The following OFD1 variants were observed in gnomAD, a reference collection of about 807,000 sequenced individuals.
OFD1 encodes OFD1 centriole and centriolar satellite protein, also known as centriole and centriolar satellite protein OFD1.
A neutral mutation model predicts 81.4 loss-of-function variants in OFD1; 12 were observed. The ratio of observed to expected loss-of-function variants is 0.15; its 90% CI spans 0.09 to 0.24. OFD1 has a LOEUF of 0.24. Among genes scored for constraint, OFD1 ranks in the 10% least tolerant of loss-of-function variants. OFD1 has a pLI of 1.00. For synonymous variants in OFD1, 256 were observed against 263.7 expected (o/e 0.97, Z 0.28); for missense variants, 685 against 733.9 (o/e 0.93, Z 0.77).
At chrX:13,729,861 T>C (rs1222439114), upstream of OFD1, among the ~76,000 whole-genome samples, 1 of 111,570 alleles carries the variant, frequency 9.0e-6, no homozygotes. Context: ...TGAGTCAAGA[T>C]TGCACCATTG....
Position 13,768,749 on chromosome X carries a change from T to G in OFD1, c.2960T>G (p.Leu987Arg). ...SSKKMVQEGSLVDTLQSSDKV... is the reference protein window; with the variant it reads ...SSKKMVQEGSRVDTLQSSDKV... Reference sequence around the variant, plus strand: ...AAAAAGATGGTCCAAGAAGGCTCCCTAGTGGACACGCTGCAATCTAGTGAC... The same window carrying G: ...AAAAAGATGGTCCAAGAAGGCTCCCGAGTGGACACGCTGCAATCTAGTGAC... Residue 987 changes from leucine (L) to arginine (R), a missense_variant, in exon 22 of 23, where the codon CTA (leucine) becomes CGA (arginine). This residue lies in a region of OFD1 where 259 missense variants were observed against 254.4 expected (regional missense o/e 1.02). Transcript: ENST00000340096. The G allele has an allele frequency of 8.3e-7, 1 of 1,210,745 alleles. No individual in the cohort carries two copies. Among genetic ancestry groups the G allele is most frequent in the Non-Finnish European group, 1.1e-6 (1 of 894,381 alleles).
chrX:13,734,693 C>G, upstream of OFD1: 3 of 963,665 alleles, frequency 3.1e-6, no homozygotes, highest in Non-Finnish European at 3.9e-6. Context: ...AGCTCATGCG[C>G]CGTAGCTCTT....
At chrX:13,767,045 G>T in intron 19 of OFD1, 82 bp from the exon 20 acceptor site, 1 of 1,009,977 alleles carries the variant, frequency 9.9e-7, no homozygotes, top group Non-Finnish European at 1.4e-6. Flanking sequence ...CGTGGGTCTT[G>T]GCAAGGGCTC....
chrX:13,772,957 T>C, downstream of OFD1: 1 of 1,209,236 alleles, frequency 8.3e-7, no homozygotes, highest in Non-Finnish European at 1.1e-6. Flanking sequence ...TGCTTTGATA[T>C]CCTGGTAAGC....
At chrX:13,752,685 T>C in intron 10 of OFD1, 1 of 969,944 alleles carries the variant, frequency 1.0e-6, no homozygotes, top group Non-Finnish European at 1.3e-6. Context: ...TAGTGAACTA[T>C]TTGGTGTCAT....
chrX:13,736,806 A>T, intron 3 of OFD1, 128 bp downstream of exon 3: 1 of 500,336 alleles, frequency 2.0e-6, no homozygotes, highest in East Asian at 3.6e-5. Flanking sequence ...TTGAATTCAC[A>T]TTGTACCTGC....
At chrX:13,728,952 C>T in the OFD1 span, among the ~76,000 whole-genome samples, 5 of 111,521 alleles carry the variant, frequency 4.5e-5, no homozygotes, top group East Asian at 1.4e-3. Context: ...TCCTATACAC[C>T]AATAATAGAC....
intron 5 of OFD1, chrX:13,740,278 G>A: frequency 1.6e-6 from 1 of 638,238 alleles, no homozygotes; most frequent in Non-Finnish European, 2.2e-6. Flanking sequence ...TTATGGAAAT[G>A]TCTGTGTCTA....
chrX:13,749,413 G>A lies in OFD1; in HGVS notation c.829-14G>A. The A allele has an allele frequency of 9.7e-7, 1 of 1,036,214 alleles. No homozygotes were observed. Among genetic ancestry groups the A allele is most frequent in the Non-Finnish European group, 1.4e-6 (1 of 736,312 alleles). 85.4% of individuals were successfully genotyped at this position (1,036,214 alleles called of 1,213,427 possible). A position where few individuals can be genotyped will look rare whatever the true frequency, so the allele number is the denominator to read the frequency against. Reference sequence around the variant, plus strand: ...ATTAGCTTGCTTGCTAAAAATTAATGCTTTTCTATACAGATTGAAACAAAA... The same window carrying A: ...ATTAGCTTGCTTGCTAAAAATTAATACTTTTCTATACAGATTGAAACAAAA... On this transcript the variant is annotated splice_polypyrimidine_tract_variant and intron_variant, in intron 8 of 22. Transcript: ENST00000340096.
the OFD1 span, among the ~76,000 whole-genome samples, chrX:13,728,764 G>C: frequency 1.8e-5 from 2 of 111,947 alleles, no homozygotes; most frequent in Non-Finnish European, 3.8e-5. Context: ...AATCAGGCAA[G>C]AGAAAGAACT....
the OFD1 span, among the ~76,000 whole-genome samples, chrX:13,717,053 A>C: frequency 1.9e-5 from 2 of 105,549 alleles, no homozygotes; most frequent in Non-Finnish European, 3.9e-5. Flanking sequence ...AAAAAAAAAA[A>C]AAAAAAAAAA....
the OFD1 span, chrX:13,721,291 C>T: frequency 7.1e-5 from 8 of 112,033 alleles, no homozygotes; most frequent in African/African-American, 2.6e-4. Context: ...TCCTAATGTC[C>T]GTTTTCTCAT....
At chrX:13,759,656 G>T (rs1489903948) in intron 15 of OFD1, among the ~76,000 whole-genome samples, 1 of 111,999 alleles carries the variant, frequency 8.9e-6, no homozygotes, top group Non-Finnish European at 1.9e-5. Context: ...TGTGGATTTC[G>T]CAATAGCCCT....
At position 13,757,584 on chromosome X, in the gene OFD1, C is replaced by CT. The variant is rs200184687; in HGVS notation, c.1412-75dup. 3,061 of 1,072,032 alleles carry CT rather than the reference C, an allele frequency of 2.9e-3. 54 individuals are homozygous for CT. In the African/African-American group the frequency reaches 0.049, roughly 17 times the overall value. 88.3% of individuals were successfully genotyped at this position (1,072,032 alleles called of 1,213,427 possible). On this transcript the variant is annotated intron_variant, in intron 13 of 22. Coordinates refer to ENST00000340096, the MANE Select transcript of OFD1 (RefSeq NM_003611.3). ...AAAGAACACTTTAAAACCCCTTTAA[C>CT]TGTTTTTGTTAAGTTAAATAAGAAA...
At chrX:13,714,980 C>T in the OFD1 span, among the ~76,000 whole-genome samples, 7 of 112,111 alleles carry the variant, frequency 6.2e-5, no homozygotes, top group African/African-American at 2.3e-4. Flanking sequence ...TGTATCATAA[C>T]GCATGACAGA....
chrX:13,740,508 A>G (rs1481590623), intron 5 of OFD1, among the ~76,000 whole-genome samples: 3 of 112,004 alleles, frequency 2.7e-5, no homozygotes, highest in Non-Finnish European at 5.6e-5. Context: ...GAAATAATCT[A>G]TGGGCCAGGC....
rs750791058 is a variant in OFD1, at chrX:13,753,433, A to G, written c.1121A>G (p.Lys374Arg). 11 of 1,208,401 alleles carry G rather than the reference A, an allele frequency of 9.1e-6. No homozygotes were observed. In the East Asian group the frequency reaches 2.7e-4, roughly 29 times the overall value. ...RTNRLIEDERKNKEKAVHLQE... is the reference protein window; with the variant it reads ...RTNRLIEDERRNKEKAVHLQE... ...AATCGACTGATTGAAGATGAAAGGAAGAATAAAGGTGATGTTTGGGGGGAA... is the reference window on the plus strand; with the variant it reads ...AATCGACTGATTGAAGATGAAAGGAGGAATAAAGGTGATGTTTGGGGGGAA... Residue 374 changes from lysine to arginine, a missense_variant, in exon 11 of 23, where the codon AAG becomes AGG. Coordinates refer to ENST00000340096, the MANE Select transcript of OFD1 (RefSeq NM_003611.3).
chrX:13,739,948 G>A, intron 5 of OFD1: 1 of 889,733 alleles, frequency 1.1e-6, no homozygotes, highest in Admixed American at 4.9e-5. Context: ...TAATCTGTTA[G>A]TAATAGTCCT....
the OFD1 span, among the ~76,000 whole-genome samples, chrX:13,729,734 C>T: frequency 5.4e-5 from 6 of 111,013 alleles, no homozygotes; most frequent in Non-Finnish European, 1.1e-4. Flanking sequence ...CATGGAGAAA[C>T]CCCGTCTCTA....
Sources: allele counts gnomAD v4.1 joint callset (sites outside exome capture counted in the v4.1 genomes callset), GRCh38; gene constraint gnomAD v4.1.1; regional missense constraint gnomAD v4.1.1; transcripts MANE v1.5; gene names NCBI Gene and HGNC (gene_info 2026-07-23, HGNC 2026-07-21).